PTPRK: variants seen among roughly 807,000 people sequenced by gnomAD.
PTPRK encodes receptor-type tyrosine-protein phosphatase kappa.
Under a neutral mutation model 178.0 loss-of-function variants are expected in PTPRK, and 75 were observed. The ratio of observed to expected loss-of-function variants is 0.42; its 90% CI spans 0.35 to 0.51. PTPRK has a LOEUF of 0.51. Among genes scored for constraint, PTPRK ranks in the 20% least tolerant of loss-of-function variants. The pLI is 0.02. For synonymous variants in PTPRK, 637 were observed against 620.6 expected (o/e 1.03, Z -0.39); for missense variants, 1,441 against 1,797.8 (o/e 0.80, Z 3.59).
chr6:128,145,107 T>A (rs1448574900), intron 7 of PTPRK, among the ~76,000 whole-genome samples: 1 of 152,104 alleles, frequency 6.6e-6, no homozygotes, highest in Non-Finnish European at 1.5e-5. Context: ...TCAATCAGAA[T>A]AAGCTTTTAG....
intron 7 of PTPRK, among the ~76,000 whole-genome samples, chr6:128,174,438 A>G (rs1197852494): frequency 1.3e-5 from 2 of 151,780 alleles, no homozygotes; most frequent in Non-Finnish European, 2.9e-5. Context: ...TCCAACATAC[A>G]GATAAAATAA....
intron 1 of PTPRK, among the ~76,000 whole-genome samples, chr6:128,500,196 G>A (rs933570273): frequency 5.9e-5 from 9 of 152,308 alleles, no homozygotes; most frequent in Admixed American, 5.2e-4. Flanking sequence ...AGGCTGCAGT[G>A]AAGGAGTGGC....
rs1841650857 is a variant in PTPRK, at chr6:128,406,310, T to C, written c.101-8622A>G. 3.3e-5 allele frequency among the ~76,000 whole-genome samples: 5 copies of C among 152,002 alleles called. No homozygotes were observed. In the South Asian group the frequency reaches 1.0e-3, roughly 32 times the overall value. ...TTTATCTTCCTATATTTTTCATTAA[T>C]ATTAACCCCCTTGCATATCAAAATG... On this transcript the variant is annotated intron_variant, in intron 1 of 29. Transcript: ENST00000368226.
chr6:128,294,594 G>A (rs1009757709), intron 3 of PTPRK, among the ~76,000 whole-genome samples: 2 of 151,872 alleles, frequency 1.3e-5, no homozygotes, highest in African/African-American at 2.4e-5. Context: ...TTACAGTTTT[G>A]GGAAAAGATA....
chr6:128,272,373 T>G (rs1274763960), intron 3 of PTPRK, among the ~76,000 whole-genome samples: 1 of 151,990 alleles, frequency 6.6e-6, no homozygotes, highest in African/African-American at 2.4e-5. Flanking sequence ...CTAATTAAAC[T>G]AAAGAGCTTC....
chr6:128,416,396 C>T (rs867356624), intron 1 of PTPRK, among the ~76,000 whole-genome samples: 18 of 151,650 alleles, frequency 1.2e-4, no homozygotes, highest in South Asian at 2.1e-4. Flanking sequence ...AATCCCAGCA[C>T]TTTGGGAGGC....
intron 3 of PTPRK, among the ~76,000 whole-genome samples, chr6:128,253,723 T>G (rs531011983): frequency 3.1e-4 from 47 of 152,356 alleles, no homozygotes; most frequent in African/African-American, 1.1e-3. Context: ...AAGTCTGTTC[T>G]TAACAAATTT....
At chr6:128,011,927 A>C in intron 13 of PTPRK, among the ~76,000 whole-genome samples, 1 of 151,208 alleles carries the variant, frequency 6.6e-6, no homozygotes, top group African/African-American at 2.4e-5. Flanking sequence ...TTTGTTAAAA[A>C]CTAGACTTCA....
intron 1 of PTPRK, among the ~76,000 whole-genome samples, chr6:128,515,812 A>G (rs923208316): frequency 6.6e-6 from 1 of 152,134 alleles, no homozygotes; most frequent in Non-Finnish European, 1.5e-5. Flanking sequence ...CCTGCACTCC[A>G]TGAAAAGCAA....
At chr6:128,378,234 A>G (rs1837377488) in intron 2 of PTPRK, among the ~76,000 whole-genome samples, 1 of 152,172 alleles carries the variant, frequency 6.6e-6, no homozygotes, top group Non-Finnish European at 1.5e-5. Context: ...AAAACTGAGT[A>G]GTTCCTATTG....
chr6:128,155,510 T>C (rs1797836448), intron 7 of PTPRK, among the ~76,000 whole-genome samples: 1 of 151,676 alleles, frequency 6.6e-6, no homozygotes, highest in South Asian at 2.1e-4. Flanking sequence ...TATGTTGGTT[T>C]CCTACTATCA....
At chr6:128,260,077 T>C (rs1397314216) in intron 3 of PTPRK, among the ~76,000 whole-genome samples, 3 of 152,216 alleles carry the variant, frequency 2.0e-5, no homozygotes, top group Non-Finnish European at 4.4e-5. Flanking sequence ...TATTTATAAG[T>C]ATTTATCAAA....
At chr6:128,419,983 T>C (rs1252974673) in intron 1 of PTPRK, among the ~76,000 whole-genome samples, 1 of 152,224 alleles carries the variant, frequency 6.6e-6, no homozygotes, top group African/African-American at 2.4e-5. Context: ...TCCTTCATAA[T>C]AGCTGTCTAG....
intron 2 of PTPRK, among the ~76,000 whole-genome samples, chr6:128,362,029 T>C (rs1373508309): frequency 6.6e-6 from 1 of 152,172 alleles, no homozygotes; most frequent in Admixed American, 6.6e-5. Context: ...ACTTTATATG[T>C]TAGGCCATTC....
intron 21 of PTPRK, among the ~76,000 whole-genome samples, chr6:127,987,779 G>A (rs1260279405): frequency 1.3e-5 from 2 of 152,018 alleles, no homozygotes; most frequent in African/African-American, 4.8e-5. Context: ...GATTGTAGAA[G>A]CAGTAATATA....
At chr6:128,299,058 C>T (rs904983401) in intron 3 of PTPRK, among the ~76,000 whole-genome samples, 24 of 152,252 alleles carry the variant, frequency 1.6e-4, no homozygotes, top group Non-Finnish European at 2.5e-4. Context: ...AAATCACAAG[C>T]ATTCTTATAC....
chr6:128,344,559 T>A lies in PTPRK; in HGVS notation c.224-22249A>T, dbSNP rs115178985. ...TTTTTTTTTTAAAGGTCTCCCTCTG[T>A]TGTCCTGGCAGATCATGGCGATCAT... On this transcript the variant is annotated intron_variant, in intron 2 of 29. Transcript: ENST00000368226. Among the ~76,000 whole-genome samples, 1,381 of 152,110 alleles carry A rather than the reference T, an allele frequency of 9.1e-3. 21 individuals are homozygous for A. The highest frequency in any genetic ancestry group is 0.031 in the African/African-American group (1,299 of 41,492).
intron 1 of PTPRK, among the ~76,000 whole-genome samples, chr6:128,408,550 G>A (rs1411687410): frequency 6.6e-6 from 1 of 152,200 alleles, no homozygotes; most frequent in Non-Finnish European, 1.5e-5. Context: ...ATTGATCATA[G>A]AGGAGATAAC....
At chr6:128,219,991 C>T (rs551439766) in intron 5 of PTPRK, among the ~76,000 whole-genome samples, 3 of 152,206 alleles carry the variant, frequency 2.0e-5, no homozygotes, top group Admixed American at 6.5e-5. Context: ...GTCAAAAGAG[C>T]CTAAACTTTG....
Sources: gnomAD v4.1 joint callset for allele counts (sites outside exome capture counted in the v4.1 genomes callset) on GRCh38, gnomAD v4.1.1 for gene constraint, MANE v1.5 for transcripts, NCBI Gene and HGNC (gene_info 2026-07-23, HGNC 2026-07-21) for gene names.